The following DCAF8L2 variants were observed in gnomAD, a reference collection of about 807,000 sequenced individuals.
DCAF8L2 encodes the protein DDB1 and CUL4 associated factor 8 like 2.
For synonymous variants in DCAF8L2, 200 were observed against 190.9 expected, an observed-to-expected ratio of 1.05 and a Z score of -0.39; for missense variants, 430 against 490.7, an observed-to-expected ratio of 0.88 and a Z score of 1.17.
At chrX:27,532,873 C>T in the DCAF8L2 span, among the ~76,000 whole-genome samples, 2 of 105,731 alleles carry the variant, frequency 1.9e-5, no homozygotes, top group African/African-American at 3.4e-5. Flanking sequence ...GTCAGGTGTT[C>T]GAGAACAGCC....
the DCAF8L2 span, among the ~76,000 whole-genome samples, chrX:27,573,106 A>C: frequency 9.0e-6 from 1 of 111,351 alleles, no homozygotes; most frequent in African/African-American, 3.3e-5. Context: ...ATAGCTACCA[A>C]CACACTTTCA....
intron 3 of DCAF8L2, among the ~76,000 whole-genome samples, chrX:27,690,155 TTCTG>T (rs1930661573): frequency 9.0e-6 from 1 of 111,676 alleles, no homozygotes; most frequent in African/African-American, 3.3e-5. Context: ...AATTATGACT[TTCTG>T]TGGTGTAAAT....
At chrX:27,533,226 GAAAGAAAGAGAA>G in the DCAF8L2 span, among the ~76,000 whole-genome samples, 8 of 42,523 alleles carry the variant, frequency 1.9e-4, no homozygotes, top group African/African-American at 4.2e-4. Context: ...AAGAAAGAAA[GAAAGAAAGAGAA>G]AGAAAGAAAG....
At chrX:27,643,126 T>A (rs932645622) in intron 2 of DCAF8L2, among the ~76,000 whole-genome samples, 1 of 112,151 alleles carries the variant, frequency 8.9e-6, no homozygotes, top group Non-Finnish European at 1.9e-5. Flanking sequence ...TATGGTAGTT[T>A]GATTTTTAAT....
the DCAF8L2 span, among the ~76,000 whole-genome samples, chrX:27,578,602 C>T: frequency 6.3e-5 from 7 of 111,590 alleles, no homozygotes; most frequent in East Asian, 2.0e-3. Context: ...GAGAAATTAT[C>T]ATCAGAGTGA....
chrX:27,733,632 T>C (rs938196512), intron 4 of DCAF8L2, among the ~76,000 whole-genome samples: 1 of 111,874 alleles, frequency 8.9e-6, no homozygotes, highest in African/African-American at 3.2e-5. Context: ...TTTTCCCCCA[T>C]GTATTTTTTT....
In DCAF8L2 at chrX:27,747,849, G is replaced by A. The variant is rs181875275; in HGVS notation, c.954G>A (p.Arg318=). 4,984 of 1,208,495 alleles carry A rather than the reference G, an allele frequency of 4.1e-3. 16 individuals are homozygous for A. The highest frequency in any genetic ancestry group is 6.9e-3 in the Middle Eastern group (30 of 4,350). ...ATACTAAGTGTGTGGCCCAGCACAG[G>A]GGACCTGCCCACAAGTTGGCTCTGG... is the stretch of plus-strand genomic sequence containing the variant. The part of the protein sequence containing the change: ...FNNTKCVAQH[R]GPAHKLALEP... The change falls in exon 5 of 5, where the codon AGG becomes AGA. Residue 318 remains arginine, a synonymous_variant. Transcript: ENST00000451261.
chrX:27,713,435 C>G (rs766743743), intron 3 of DCAF8L2, among the ~76,000 whole-genome samples: 1 of 111,185 alleles, frequency 9.0e-6, no homozygotes, highest in Non-Finnish European at 1.9e-5. Flanking sequence ...TTGAAAGAAA[C>G]TCTTCAGGAG....
chrX:27,714,911 AT>A (rs1931645371), intron 3 of DCAF8L2, among the ~76,000 whole-genome samples: 1 of 111,375 alleles, frequency 9.0e-6, no homozygotes, highest in Non-Finnish European at 1.9e-5. Flanking sequence ...TTTATTTTTT[AT>A]TTTTATTTTT....
At chrX:27,485,027 G>T in the DCAF8L2 span, among the ~76,000 whole-genome samples, 3 of 111,633 alleles carry the variant, frequency 2.7e-5, no homozygotes, top group African/African-American at 9.7e-5. Context: ...GAACACTTAG[G>T]ATTTTCATAA....
At chrX:27,587,255 A>G (rs1925920689), upstream of DCAF8L2, among the ~76,000 whole-genome samples, 1 of 111,976 alleles carries the variant, frequency 8.9e-6, no homozygotes, top group Non-Finnish European at 1.9e-5. Context: ...AAGTGTCAAT[A>G]AAAGAACCAT....
chrX:27,627,960 G>T (rs1602673897), intron 1 of DCAF8L2, among the ~76,000 whole-genome samples: 1 of 107,925 alleles, frequency 9.3e-6, no homozygotes, highest in South Asian at 4.0e-4. Context: ...ATAACATCAT[G>T]AGATCTACTC....
the DCAF8L2 span, among the ~76,000 whole-genome samples, chrX:27,570,932 C>T: frequency 9.0e-6 from 1 of 111,409 alleles, no homozygotes; most frequent in Non-Finnish European, 1.9e-5. Flanking sequence ...AATACACTAA[C>T]TCCAAAACCC....
rs1311690397 is a variant in DCAF8L2 at position 27,717,522 on chromosome X, G to T, written c.-59+1351G>T. On this transcript the variant is annotated intron_variant, in intron 4 of 4. Transcript: ENST00000451261. ...TTTTTCATATGTTTGTTGGCTGCAT[G>T]AATGTCTTCTTTTGAGAAGTGTCTG... Among the ~76,000 whole-genome samples the T allele has an allele frequency of 5.3e-5, 6 of 112,296 alleles. No individual in the cohort carries two copies. In the Admixed American group the frequency reaches 5.7e-4, roughly 11 times the overall value.
At chrX:27,480,812 C>T in the DCAF8L2 span, among the ~76,000 whole-genome samples, 1 of 111,617 alleles carries the variant, frequency 9.0e-6, no homozygotes. Flanking sequence ...CTAACTGATA[C>T]ACCAGGCCAC....
chrX:27,532,288 C>T, the DCAF8L2 span, among the ~76,000 whole-genome samples: 1 of 110,725 alleles, frequency 9.0e-6, no homozygotes, highest in Non-Finnish European at 1.9e-5. Flanking sequence ...TGGAACATCC[C>T]GCTATGCCAT....
At chrX:27,476,402 A>G in the DCAF8L2 span, among the ~76,000 whole-genome samples, 12 of 111,842 alleles carry the variant, frequency 1.1e-4, no homozygotes, top group African/African-American at 3.6e-4. Context: ...TTCCTGATTA[A>G]TTAGAAAGAG....
At chrX:27,554,053 A>G in the DCAF8L2 span, among the ~76,000 whole-genome samples, 1 of 112,005 alleles carries the variant, frequency 8.9e-6, no homozygotes. Context: ...AGGAAGTTAC[A>G]GCCCTCAAGC....
chrX:27,575,267 G>A, the DCAF8L2 span, among the ~76,000 whole-genome samples: 1 of 111,426 alleles, frequency 9.0e-6, no homozygotes, highest in Non-Finnish European at 1.9e-5. Context: ...CCAGCCATTT[G>A]TGTCTTCTTC....
Sources: allele counts gnomAD v4.1 joint callset (sites outside exome capture counted in the v4.1 genomes callset), GRCh38; gene constraint gnomAD v4.1.1; transcripts MANE v1.5; gene names NCBI Gene and HGNC (gene_info 2026-07-23, HGNC 2026-07-21).